GPD1L: variants seen among roughly 807,000 people sequenced by gnomAD.
GPD1L encodes glycerol-3-phosphate dehydrogenase 1 like, also known as glycerol-3-phosphate dehydrogenase 1-like protein.
GPD1L carries 17 observed loss-of-function variants against 32.9 expected under a neutral mutation model. The ratio of observed to expected loss-of-function variants is 0.52; its 90% CI spans 0.35 to 0.78. The LOEUF is 0.78. Ranked by LOEUF, GPD1L falls within the 30% of genes least tolerant of loss-of-function variation. The pLI, the probability that GPD1L is intolerant of heterozygous loss-of-function variation, is 0.01. For missense variants in GPD1L, 361 were observed against 447.8 expected (o/e 0.81, Z 1.75); for synonymous variants, 187 against 165.9 (o/e 1.13, Z -0.98).
chr3:32,141,698 C>T (rs1199723828), intron 4 of GPD1L, among the ~76,000 whole-genome samples: 1 of 152,134 alleles, frequency 6.6e-6, no homozygotes, highest in African/African-American at 2.4e-5. Flanking sequence ...ATTCAAGCAC[C>T]ATGAGAAGGT....
At chr3:32,113,877 G>C (rs1212202438) in intron 1 of GPD1L, among the ~76,000 whole-genome samples, 4 of 151,922 alleles carry the variant, frequency 2.6e-5, no homozygotes, top group Non-Finnish European at 5.9e-5. Context: ...TTATTTTTTG[G>C]GAGTCTCACT....
intron 5 of GPD1L, among the ~76,000 whole-genome samples, chr3:32,155,028 C>CAGA (rs1298995291): frequency 3.9e-5 from 6 of 152,192 alleles, no homozygotes; most frequent in South Asian, 2.1e-4. Context: ...GGATTATGCC[C>CAGA]AACCTAAGCT....
chr3:32,111,760 A>G (rs1004561834), intron 1 of GPD1L, among the ~76,000 whole-genome samples: 2 of 151,640 alleles, frequency 1.3e-5, no homozygotes, highest in African/African-American at 4.8e-5. Context: ...CCGAAGGTCA[A>G]GGAGAGCTTT....
intron 4 of GPD1L, among the ~76,000 whole-genome samples, chr3:32,142,701 A>G (rs1288070223): frequency 1.3e-5 from 2 of 152,186 alleles, no homozygotes; most frequent in African/African-American, 2.4e-5. Flanking sequence ...TGCAATCCCA[A>G]TCCCTGATCC....
chr3:32,138,140 T>A (rs184314532), intron 2 of GPD1L, among the ~76,000 whole-genome samples: 85 of 152,300 alleles, frequency 5.6e-4, no homozygotes, highest in African/African-American at 1.9e-3. Flanking sequence ...TCTCCTCCCA[T>A]CCTTTGATCT....
intron 4 of GPD1L, among the ~76,000 whole-genome samples, chr3:32,145,785 A>G (rs758124278): frequency 2.0e-5 from 3 of 152,256 alleles, no homozygotes; most frequent in Non-Finnish European, 4.4e-5. Context: ...ACAAACTGAC[A>G]TAGTTCTAAC....
intron 5 of GPD1L, among the ~76,000 whole-genome samples, chr3:32,154,471 G>A (rs1173884016): frequency 6.6e-6 from 1 of 152,122 alleles, no homozygotes; most frequent in Non-Finnish European, 1.5e-5. Flanking sequence ...CTTTCCTGTT[G>A]GGTGAGGTCA....
chr3:32,108,940 C>T (rs1385450658), intron 1 of GPD1L, among the ~76,000 whole-genome samples: 2 of 152,206 alleles, frequency 1.3e-5, no homozygotes, highest in African/African-American at 4.8e-5. Context: ...AGCTCCGCTT[C>T]CTGGGTTCAT....
chr3:32,110,619 C>T (rs1460875999), intron 1 of GPD1L, among the ~76,000 whole-genome samples: 2 of 152,210 alleles, frequency 1.3e-5, no homozygotes, highest in Admixed American at 1.3e-4. Context: ...GGAAAGTAGA[C>T]GTGTTGTATA....
At chr3:32,136,816 T>C (rs1395466764) in intron 2 of GPD1L, among the ~76,000 whole-genome samples, 1 of 152,134 alleles carries the variant, frequency 6.6e-6, no homozygotes, top group East Asian at 1.9e-4. Context: ...CTCAGTGTGA[T>C]CAAGGCTAAG....
At position 32,121,560 on chromosome 3, in the gene GPD1L, T is replaced by C; in HGVS notation, c.48-6516T>C. On this transcript the variant is annotated intron_variant, in intron 1 of 7. Transcript: ENST00000282541. Reference sequence around the variant, plus strand: ...ATGTATATATTTCTATATATATATTTCTATGTATATATTTCTATATATATA... The same window carrying C: ...ATGTATATATTTCTATATATATATTCCTATGTATATATTTCTATATATATA... 1.5e-5 allele frequency among the ~76,000 whole-genome samples: 2 copies of C among 137,790 alleles called. 1 individual carries two copies. Among genetic ancestry groups the C allele is most frequent in the Admixed American group, 1.5e-4 (2 of 13,338 alleles). The allele number at this position is 137,790 out of a possible 152,430, so 90.4% of individuals were successfully genotyped here. A position where few individuals can be genotyped will look rare whatever the true frequency, so the allele number is the denominator to read the frequency against.
chr3:32,122,464 C>G (rs903469881), intron 1 of GPD1L, among the ~76,000 whole-genome samples: 1 of 152,230 alleles, frequency 6.6e-6, no homozygotes, highest in Non-Finnish European at 1.5e-5. Flanking sequence ...TACCCATCTA[C>G]TCAAGTTCCT....
chr3:32,141,635 A>C (rs1700745627), intron 4 of GPD1L, among the ~76,000 whole-genome samples: 1 of 152,122 alleles, frequency 6.6e-6, no homozygotes, highest in African/African-American at 2.4e-5. Flanking sequence ...CTATGATACC[A>C]CCTGCCCAGG....
chr3:32,151,327 T>C, intron 5 of GPD1L: 1 of 665,170 alleles, frequency 1.5e-6, no homozygotes, highest in South Asian at 1.7e-5. Context: ...TTAACTTGTT[T>C]ACCACAATGC....
chr3:32,167,785 A>G lies in GPD1L; in HGVS notation c.*1875A>G, dbSNP rs1701169048. 1 of 152,250 alleles carries G rather than the reference A, an allele frequency of 6.6e-6. No individual in the cohort carries two copies. Among genetic ancestry groups the G allele is most frequent in the South Asian group, 2.1e-4 (1 of 4,830 alleles). The allele number at this position is 152,250 out of a possible 1,614,324, so 9.4% of individuals were successfully genotyped here. The stretch of plus-strand genomic sequence containing the variant: ...TTCTATACCTTGAAATGATTATAAA[A>G]TAGATTTTCATGGGAATTTTAAAAA... On this transcript the variant is annotated 3_prime_UTR_variant, in exon 8 of 8. Coordinates refer to ENST00000282541, the MANE Select transcript of GPD1L (RefSeq NM_015141.4).
chr3:32,116,450 C>T (rs1404959853), intron 1 of GPD1L, among the ~76,000 whole-genome samples: 1 of 152,140 alleles, frequency 6.6e-6, no homozygotes, highest in Non-Finnish European at 1.5e-5. Context: ...TCCTCACAAC[C>T]AGGACCAGCA....
chr3:32,133,588 T>C (rs1700617851), intron 2 of GPD1L, among the ~76,000 whole-genome samples: 2 of 152,214 alleles, frequency 1.3e-5, no homozygotes, highest in Non-Finnish European at 2.9e-5. Flanking sequence ...TGTTCTTATT[T>C]TCCTACTTAG....
chr3:32,155,784 G>T (rs1008987182), intron 5 of GPD1L, among the ~76,000 whole-genome samples: 10 of 152,096 alleles, frequency 6.6e-5, no homozygotes, highest in Admixed American at 6.5e-4. Context: ...ATACTAGAAG[G>T]GCCTTGAAAA....
intron 5 of GPD1L, among the ~76,000 whole-genome samples, chr3:32,157,643 G>A (rs774712400): frequency 6.6e-6 from 1 of 152,130 alleles, no homozygotes; most frequent in Non-Finnish European, 1.5e-5. Flanking sequence ...ACAGTTATTT[G>A]TACACGTTTT....
Sources: gnomAD v4.1 joint callset for allele counts (sites outside exome capture counted in the v4.1 genomes callset) on GRCh38, gnomAD v4.1.1 for gene constraint, MANE v1.5 for transcripts, NCBI Gene and HGNC (gene_info 2026-07-23, HGNC 2026-07-21) for gene names.